The following TMED6 variants were observed in gnomAD, a reference collection of about 807,000 sequenced individuals.
The protein encoded by TMED6 is transmembrane emp24 domain-containing protein 6.
A neutral mutation model predicts 26.5 loss-of-function variants in TMED6; 17 were observed. That is an observed-to-expected ratio of 0.64 (90% CI 0.44 to 0.96). TMED6 has a LOEUF of 0.96. TMED6 is among the 40% of genes least tolerant of loss of function. The probability of loss-of-function intolerance (pLI) is 0.00; values close to 1 mark genes in which losing one functional copy is unlikely to be tolerated. For missense variants in TMED6, 309 were observed against 296.5 expected, an observed-to-expected ratio of 1.04 and a Z score of -0.31; for synonymous variants, 107 against 106.2, an observed-to-expected ratio of 1.01 and a Z score of -0.04.
chr16:69,346,957 G>T (rs1306821366), intron 3 of TMED6, among the ~76,000 whole-genome samples: 2 of 152,128 alleles, frequency 1.3e-5, no homozygotes, highest in African/African-American at 4.8e-5. Flanking sequence ...AGGATTGCTT[G>T]AGCGCAGGAG....
At chr16:69,344,136 G>A (rs866820972) in intron 3 of TMED6, among the ~76,000 whole-genome samples, 1 of 152,092 alleles carries the variant, frequency 6.6e-6, no homozygotes, top group Middle Eastern at 3.4e-3. Context: ...CCGGCCTTTT[G>A]TTTTGTTTTT....
Position 69,347,827 on chromosome 16 carries a change from C to G in TMED6, c.450G>C (p.Lys150Asn), listed in dbSNP as rs1458574103. 2.5e-6 allele frequency: 4 copies of G among 1,613,946 alleles called. No individual in the cohort carries two copies. The highest frequency in any genetic ancestry group is 2.5e-6 in the Non-Finnish European group (3 of 1,180,024). Residue 150 changes from lysine (K) to asparagine (N), a missense_variant, in exon 3 of 4, where the codon AAG (lysine) becomes AAC (asparagine). Coordinates refer to ENST00000288025, the MANE Select transcript of TMED6 (RefSeq NM_144676.4). ...YEGPETDHKQ[K>N]ERKQLNDTLD... ...GAGTATCATTCAGTTGTTTTCTTTC[C>G]TTCTGTTTGTGATCAGTCTCAGGCC... is the stretch of plus-strand genomic sequence containing the variant.
chr16:69,351,500 GAA>G (rs752533376), intron 1 of TMED6, 39 bp downstream of exon 1: 1 of 1,404,504 alleles, frequency 7.1e-7, no homozygotes, highest in South Asian at 1.3e-5. Context: ...GAGTAAAGGA[GAA>G]AAAAAAAAGC....
At position 69,349,574 on chromosome 16, in the gene TMED6, G is replaced by A. The variant is rs1227757826; in HGVS notation, c.291C>T (p.Asp97=). 1.2e-6 allele frequency: 2 copies of A among 1,613,916 alleles called. No individual in the cohort carries two copies. Among genetic ancestry groups the A allele is most frequent in the East Asian group, 2.2e-5 (1 of 44,892 alleles). Reference sequence around the variant, plus strand: ...TCTGGCCCCGAACACCCTGGGAGGTGTCTATGAGAAATCCCTGTGGGTTAT... The same window carrying A: ...TCTGGCCCCGAACACCCTGGGAGGTATCTATGAGAAATCCCTGTGGGTTAT... ...TAHNPQGFLI[D]TSQGVRGQIN... The change falls in exon 2 of 4, where the codon GAC becomes GAT. Residue 97 remains aspartate, a synonymous_variant. Coordinates refer to ENST00000288025, the MANE Select transcript of TMED6 (RefSeq NM_144676.4).
rs992164503 is a variant in TMED6 at position 69,349,631 on chromosome 16, C to T, written c.234G>A (p.Met78Ile). The T allele has an allele frequency of 6.2e-7, 1 of 1,613,738 alleles. No individual in the cohort carries two copies. The highest frequency in any genetic ancestry group is 8.5e-7 in the Non-Finnish European group (1 of 1,179,846). Residue 78 changes from methionine (M) to isoleucine (I), a missense_variant, in exon 2 of 4, where the codon ATG becomes ATA. Transcript: ENST00000288025. ...FSYEVQRTVG[M>I]SHDRHVAATA... ...TGGCAGCAACATGCCGGTCATGTGA[C>T]ATCCCCACTGTCCGCTGAACCTGCC...
intron 3 of TMED6, among the ~76,000 whole-genome samples, chr16:69,347,506 C>T (rs1236720423): frequency 6.6e-6 from 1 of 152,052 alleles, no homozygotes; most frequent in Non-Finnish European, 1.5e-5. Flanking sequence ...ATTACAGGTG[C>T]GCACCACCAC....
chr16:69,343,433 T>C lies in TMED6; in HGVS notation c.697A>G (p.Thr233Ala), dbSNP rs777568792. Residue 233 changes from threonine to alanine, a missense_variant, in exon 4 of 4, where the codon ACA becomes GCA. Transcript: ENST00000288025. ...TAGCATCTTGGCTTCTTTGTATCTG[T>C]AGTTGTTGGAACATTGAAGAGACGC... Reference protein sequence around the residue: ...LKRLFNVPTTTDTKKPRC With the variant: ...LKRLFNVPTTADTKKPRC The C allele has an allele frequency of 3.1e-6, 5 of 1,614,072 alleles. No individual in the cohort carries two copies. The highest frequency in any genetic ancestry group is 2.7e-5 in the African/African-American group (2 of 74,936).
intron 1 of TMED6, among the ~76,000 whole-genome samples, chr16:69,350,267 GT>G (rs1383838350): frequency 1.5e-5 from 2 of 130,274 alleles, no homozygotes; most frequent in Non-Finnish European, 3.2e-5. Flanking sequence ...GCAACACTCT[GT>G]CAAAAAAAAA....
intron 2 of TMED6, 49 bp downstream of exon 2, chr16:69,349,476 T>C (rs758513921): frequency 2.5e-6 from 4 of 1,577,004 alleles, no homozygotes; most frequent in Non-Finnish European, 2.6e-6. Flanking sequence ...TTTCTGTAAT[T>C]TCATAGGACC....
chr16:69,351,482 C>T (rs1220027421), intron 1 of TMED6, 59 bp downstream of exon 1: 1 of 1,540,116 alleles, frequency 6.5e-7, no homozygotes, highest in Non-Finnish European at 8.9e-7. Context: ...AAACCTGACC[C>T]ACTTTATGAG....
At chr16:69,345,678 CAAAAAAAA>C (rs34468905) in intron 3 of TMED6, among the ~76,000 whole-genome samples, 72 of 43,434 alleles carry the variant, frequency 1.7e-3, no homozygotes, top group East Asian at 2.6e-3. Context: ...CTGACTCTCT[CAAAAAAAA>C]AAAAAAAAAA....
At chr16:69,350,233 C>T (rs1033036995) in intron 1 of TMED6, among the ~76,000 whole-genome samples, 1 of 148,830 alleles carries the variant, frequency 6.7e-6, no homozygotes, top group South Asian at 2.1e-4. Context: ...GATCATGCCA[C>T]TGCACTCCAG....
Position 69,349,537 on chromosome 16 carries a change from T to G in TMED6, c.328A>C (p.Thr110Pro). Reference sequence around the variant, plus strand: ...AATGAAAACAGACCTGTCTCTTGGGTAGAGAAGTTAATCTGGCCCCGAACA... The same window carrying G: ...AATGAAAACAGACCTGTCTCTTGGGGAGAGAAGTTAATCTGGCCCCGAACA... Reference protein sequence around the residue: ...QGVRGQINFSTQETGFYQLCL... With the variant: ...QGVRGQINFSPQETGFYQLCL... Residue 110 changes from threonine (T) to proline (P), a missense_variant, in exon 2 of 4, where the codon ACC (threonine) becomes CCC (proline). By Grantham distance (38) the Thr-to-Pro change is conservative. Transcript: ENST00000288025. The G allele has an allele frequency of 6.2e-7, 1 of 1,613,646 alleles. No homozygotes were observed. Among genetic ancestry groups the G allele is most frequent in the South Asian group, 1.1e-5 (1 of 91,068 alleles).
intron 2 of TMED6, among the ~76,000 whole-genome samples, chr16:69,348,838 C>T (rs1168196531): frequency 6.6e-6 from 1 of 152,182 alleles, no homozygotes; most frequent in South Asian, 2.1e-4. Context: ...TGGTCGCAAA[C>T]TCCTGACCTC....
At chr16:69,350,269 C>CA (rs532374926) in intron 1 of TMED6, among the ~76,000 whole-genome samples, 3,295 of 70,086 alleles carry the variant, frequency 0.047, 54 homozygotes, top group Non-Finnish European at 0.052. Flanking sequence ...AACACTCTGT[C>CA]AAAAAAAAAA....
At chr16:69,349,375 G>C in intron 2 of TMED6, 150 bp downstream of exon 2, 1 of 934,394 alleles carries the variant, frequency 1.1e-6, no homozygotes. Flanking sequence ...GGCATCCTTG[G>C]AGGTCAGCAG....
intron 3 of TMED6, among the ~76,000 whole-genome samples, chr16:69,345,764 G>C (rs2012676303): frequency 6.8e-6 from 1 of 146,058 alleles, no homozygotes; most frequent in African/African-American, 2.5e-5. Context: ...TCACAGCCTT[G>C]ACATCCTGGG....
Position 69,347,783 on chromosome 16 carries a change from C to A in TMED6, c.489+5G>T. The A allele has an allele frequency of 1.2e-6, 2 of 1,613,930 alleles. No individual in the cohort carries two copies. The highest frequency in any genetic ancestry group is 8.5e-7 in the Non-Finnish European group (1 of 1,179,942). On this transcript the variant is annotated splice_donor_5th_base_variant and intron_variant, in intron 3 of 3. Transcript: ENST00000288025. The stretch of plus-strand genomic sequence containing the variant: ...ATGTTTCTCTTCCACAAAACACTTC[C>A]TTACCTCAATTGCATCCAGAGTATC...
chr16:69,348,129 T>C (rs995768043), intron 2 of TMED6, 193 bp from the exon 3 acceptor site: 32 of 527,018 alleles, frequency 6.1e-5, no homozygotes, highest in Middle Eastern at 5.4e-4. Context: ...TTACTTATTA[T>C]ATTTGGCCAA....
Sources: allele counts gnomAD v4.1 joint callset (sites outside exome capture counted in the v4.1 genomes callset), GRCh38; gene constraint gnomAD v4.1.1; transcripts MANE v1.5; gene names NCBI Gene and HGNC (gene_info 2026-07-23, HGNC 2026-07-21).